The following VIPR2 variants were observed in gnomAD, a reference collection of about 807,000 sequenced individuals.
VIPR2 encodes vasoactive intestinal peptide receptor 2, also known as vasoactive intestinal polypeptide receptor 2.
In VIPR2, 48 loss-of-function variants were observed where a neutral mutation model predicts 58.0. That is an observed-to-expected ratio of 0.83 (90% CI 0.66 to 1.05). The LOEUF is 1.05. Among genes scored for constraint, VIPR2 ranks in the 50% least tolerant of loss-of-function variants. VIPR2 has a pLI of 0.00. For missense variants in VIPR2, 534 were observed against 558.0 expected, an observed-to-expected ratio of 0.96 and a Z score of 0.43; for synonymous variants, 243 against 235.2, an observed-to-expected ratio of 1.03 and a Z score of -0.30.
At chr7:159,140,406 A>C (rs1341416029) in intron 2 of VIPR2, among the ~76,000 whole-genome samples, 1 of 152,226 alleles carries the variant, frequency 6.6e-6, no homozygotes, top group African/African-American at 2.4e-5. Flanking sequence ...TTCTATTTAC[A>C]TCCCTGGCAT....
chr7:159,117,181 G>A (rs1053940304), intron 2 of VIPR2: 19 of 631,212 alleles, frequency 3.0e-5, no homozygotes, highest in South Asian at 9.4e-5. Flanking sequence ...CCGAGCAGTC[G>A]GGCTTCTGGG....
At chr7:159,046,985 A>G (rs892115933) in intron 5 of VIPR2, among the ~76,000 whole-genome samples, 1 of 152,232 alleles carries the variant, frequency 6.6e-6, no homozygotes, top group South Asian at 2.1e-4. Flanking sequence ...CTGTAATCCC[A>G]GTACTTTGGG....
chr7:159,052,273 A>G (rs768129529), intron 5 of VIPR2, among the ~76,000 whole-genome samples: 2 of 152,234 alleles, frequency 1.3e-5, no homozygotes, highest in Non-Finnish European at 2.9e-5. Context: ...GATCTTACAT[A>G]CATTAAAAAT....
chr7:159,030,610 G>A lies in VIPR2; in HGVS notation c.*6C>T. 3 of 1,535,140 alleles carry A rather than the reference G, an allele frequency of 2.0e-6. No homozygotes were observed. Among genetic ancestry groups the A allele is most frequent in the Non-Finnish European group, 2.6e-6 (3 of 1,138,892 alleles). ...CTCCCGCCGCGTCCGACAGGCAGGG[G>A]TGGGGCTAGATGACCGAGGTCTCCG... On this transcript the variant is annotated 3_prime_UTR_variant, in exon 13 of 13. Transcript: ENST00000262178.
Position 159,096,849 on chromosome 7 carries a change from G to T in VIPR2, c.357+6908C>A. On this transcript the variant is annotated intron_variant, in intron 4 of 12. Transcript: ENST00000262178. The surrounding 1 kb of genome is among the most constrained non-coding windows in gnomAD (Gnocchi z 5.5). ...TCCCGGCCCACCTCGGGATGCTTCC[G>T]CCGTACTGTGTCCATGGCTGAGACC... The T allele has an allele frequency of 6.6e-7, 1 of 1,521,306 alleles. No individual in the cohort carries two copies. The allele number at this position is 1,521,306 out of a possible 1,614,324, so 94.2% of individuals were successfully genotyped here.
chr7:159,029,697 T>A lies in VIPR2; in HGVS notation c.*919A>T, dbSNP rs1853425995. The A allele has an allele frequency of 6.6e-6, 1 of 152,134 alleles. No homozygotes were observed. The highest frequency in any genetic ancestry group is 2.4e-5 in the African/African-American group (1 of 41,380). 9.4% of individuals were successfully genotyped at this position (152,134 alleles called of 1,614,324 possible). On this transcript the variant is annotated 3_prime_UTR_variant, in exon 13 of 13. Transcript: ENST00000262178. ...GAGGCAGAGCCAGAGCTGCTGAGGG[T>A]CCCACGGAACACCTGTGTGGAGAGG...
At chr7:159,077,666 C>T (rs1006139824) in intron 4 of VIPR2, among the ~76,000 whole-genome samples, 123 of 148,078 alleles carry the variant, frequency 8.3e-4, no homozygotes, top group African/African-American at 3.0e-3. Flanking sequence ...TTATCAGATT[C>T]TAGCCCTGTT....
intron 4 of VIPR2, among the ~76,000 whole-genome samples, chr7:159,091,026 C>T (rs1189460621): frequency 6.6e-6 from 1 of 151,982 alleles, no homozygotes; most frequent in Non-Finnish European, 1.5e-5. Flanking sequence ...GGACCACGCA[C>T]AGGGGCCACC....
In VIPR2 at chr7:159,030,693, C is replaced by G. The variant is rs770160243; in HGVS notation, c.1240G>C (p.Gly414Arg). The G allele has an allele frequency of 1.9e-6, 3 of 1,581,986 alleles. No homozygotes were observed. Among genetic ancestry groups the G allele is most frequent in the Non-Finnish European group, 2.6e-6 (3 of 1,165,376 alleles). ...RVCGSSFSRN[G>R]SEGALQFHRG... ...TGGAACTGCAGGGCGCCCTCCGAGCCGTTGCGGGAGAAGGAGGAACCGCAG... is the reference window on the plus strand; with the variant it reads ...TGGAACTGCAGGGCGCCCTCCGAGCGGTTGCGGGAGAAGGAGGAACCGCAG... The change falls in exon 13 of 13, where the codon GGC becomes CGC. Residue 414 changes from glycine to arginine, a missense_variant. Transcript: ENST00000262178.
intron 12 of VIPR2, among the ~76,000 whole-genome samples, 171 bp from the exon 13 acceptor site, chr7:159,030,960 CG>C (rs1177979112): frequency 1.3e-5 from 2 of 152,224 alleles, no homozygotes; most frequent in Non-Finnish European, 2.9e-5. Context: ...CTGGAGGGAG[CG>C]GGAACTGGAC....
Position 159,036,006 on chromosome 7 carries a change from G to A in VIPR2, c.755C>T (p.Pro252Leu). The A allele has an allele frequency of 6.2e-7, 1 of 1,613,232 alleles. No homozygotes were observed. The highest frequency in any genetic ancestry group is 1.1e-5 in the South Asian group (1 of 90,936). Residue 252 changes from proline (P) to leucine (L), a missense_variant, in exon 8 of 13, where the codon CCC becomes CTC. Around this residue, in one of 3 missense-constraint regions of VIPR2, gnomAD observed 306 missense variants for 285.8 expected, o/e 1.07. Coordinates refer to ENST00000262178, the MANE Select transcript of VIPR2 (RefSeq NM_003382.5). ...AGTCCATGCACCGATGCAGACGGTG[G>A]GGAGGCCTGCAGAGAGACGCCTGGT... ...LAYLLIGWGLPTVCIGAWTAA... is the reference protein window; with the variant it reads ...LAYLLIGWGLLTVCIGAWTAA...
At chr7:159,040,694 G>C (rs935845465) in intron 6 of VIPR2, among the ~76,000 whole-genome samples, 1 of 152,168 alleles carries the variant, frequency 6.6e-6, no homozygotes, top group Admixed American at 6.5e-5. Flanking sequence ...AGTCAGCTGG[G>C]AACAAAAAAT....
intron 5 of VIPR2, among the ~76,000 whole-genome samples, chr7:159,051,430 C>A (rs1225434493): frequency 6.6e-6 from 1 of 151,894 alleles, no homozygotes; most frequent in Non-Finnish European, 1.5e-5. Context: ...GAGGAGAAAA[C>A]CAGAAGAATA....
rs1182772450 is a variant in VIPR2 at position 159,030,734 on chromosome 7, C to G, written c.1199G>C (p.Ser400Thr). ...GGAACCGCAGACCCTGTAATCCCGG[C>G]TCGCGGACGGGGTCGGGCACCGGCT... ...WRSRCPTPSA[S>T]RDYRVCGSSF... Residue 400 changes from serine to threonine, a missense_variant, in exon 13 of 13, where the codon AGC becomes ACC. Physicochemically the swap from Ser to Thr is moderately conservative, Grantham distance 58. This residue lies in a region of VIPR2 where 306 missense variants were observed against 285.8 expected (regional missense o/e 1.07). Transcript: ENST00000262178. 15 of 1,591,564 alleles carry G rather than the reference C, an allele frequency of 9.4e-6. No homozygotes were observed. Among genetic ancestry groups the G allele is most frequent in the African/African-American group, 1.3e-5 (1 of 74,268 alleles).
intron 4 of VIPR2, among the ~76,000 whole-genome samples, chr7:159,101,272 C>T (rs1159412685): frequency 2.4e-4 from 36 of 146,966 alleles, no homozygotes; most frequent in East Asian, 1.2e-3. Flanking sequence ...TCCGATGAGG[C>T]GGTTCCCCCG....
At chr7:159,144,221 C>T in intron 1 of VIPR2, 1 of 1,305,184 alleles carries the variant, frequency 7.7e-7, no homozygotes, top group Non-Finnish European at 9.8e-7. Context: ...TCCTCCAGTG[C>T]CCTTGGGAAA....
intron 4 of VIPR2, among the ~76,000 whole-genome samples, chr7:159,090,132 C>G (rs1417566530): frequency 1.1e-4 from 15 of 134,416 alleles, no homozygotes; most frequent in African/African-American, 2.4e-4. Flanking sequence ...GACCTCAGCA[C>G]AGACACGCTG....
chr7:159,075,608 A>C (rs969708022), intron 4 of VIPR2, among the ~76,000 whole-genome samples: 1 of 151,352 alleles, frequency 6.6e-6, no homozygotes, highest in East Asian at 2.0e-4. Context: ...CAGGGCTGGC[A>C]CCCACGGACC....
chr7:159,045,612 C>T (rs180684365), intron 5 of VIPR2, among the ~76,000 whole-genome samples: 2 of 152,152 alleles, frequency 1.3e-5, no homozygotes, highest in Admixed American at 1.3e-4. Flanking sequence ...AGAGCTAAAA[C>T]CATAAAACTC....
Sources: gnomAD v4.1 joint callset for allele counts (sites outside exome capture counted in the v4.1 genomes callset) on GRCh38, gnomAD v4.1.1 for gene constraint, gnomAD v4.1.1 regional missense constraint, Gnocchi (gnomAD v3.1) non-coding constraint, MANE v1.5 for transcripts, NCBI Gene and HGNC (gene_info 2026-07-23, HGNC 2026-07-21) for gene names.